Variants in VPS13C observed in about 807,000 individuals in gnomAD.
VPS13C encodes vacuolar protein sorting 13 homolog C, also known as intermembrane lipid transfer protein VPS13C.
Under a neutral mutation model 456.8 loss-of-function variants are expected in VPS13C, and 358 were observed. That is an observed-to-expected ratio of 0.78 (90% confidence interval 0.72 to 0.86). The LOEUF (loss-of-function observed/expected upper bound fraction) is 0.86, where lower values mean the gene tolerates loss of function less well. Among genes scored for constraint, VPS13C ranks in the 40% least tolerant of loss-of-function variants. The probability of loss-of-function intolerance (pLI) is 0.00; values close to 1 mark genes in which losing one functional copy is unlikely to be tolerated. For synonymous variants in VPS13C, 1,578 were observed against 1,486.7 expected (o/e 1.06, Z -1.41); for missense variants, 4,818 against 4,385.4 (o/e 1.10, Z -2.79).
Position 61,880,670 on chromosome 15 carries a change from G to C in VPS13C, c.9941C>G (p.Thr3314Ser). ...IDALNAELME[T>S]SMTDMSILSF... Reference sequence around the variant, plus strand: ...AAGAATTGACATATCAGTCATTGAAGTCTCCATTAATTCTGCATTTAGAGC... The same window carrying C: ...AAGAATTGACATATCAGTCATTGAACTCTCCATTAATTCTGCATTTAGAGC... The change falls in exon 73 of 85, where the codon ACT becomes AGT. Residue 3314 changes from threonine (T) to serine (S), a missense_variant. Coordinates refer to ENST00000644861, the MANE Select transcript of VPS13C (RefSeq NM_020821.3). 6.2e-7 allele frequency: 1 copy of C among 1,601,634 alleles called. No individual in the cohort carries two copies. The highest frequency in any genetic ancestry group is 2.2e-5 in the East Asian group (1 of 44,464).
intron 8 of VPS13C, among the ~76,000 whole-genome samples, chr15:62,023,142 G>A (rs1002287738): frequency 1.3e-5 from 2 of 151,596 alleles, no homozygotes; most frequent in Non-Finnish European, 3.0e-5. Context: ...GTCTTAACAC[G>A]TAAAATAAAA....
chr15:61,989,207 G>A (rs2140413993), intron 18 of VPS13C, among the ~76,000 whole-genome samples: 1 of 149,624 alleles, frequency 6.7e-6, no homozygotes, highest in African/African-American at 2.5e-5. Context: ...CCTGGGCAAT[G>A]TGGCAAAACC....
rs200818055 is a variant in VPS13C at position 61,931,257 on chromosome 15, T to C, written c.5871A>G (p.Glu1957=). The C allele has an allele frequency of 9.9e-6, 16 of 1,612,226 alleles. No individual in the cohort carries two copies. In the East Asian group the frequency reaches 3.3e-4, roughly 34 times the overall value. The change falls in exon 50 of 85, where the codon GAA becomes GAG. Residue 1957 remains glutamate, a splice_region_variant and synonymous_variant. Transcript: ENST00000644861. The part of the protein sequence containing the change: ...IILYNNDINQ[E]SGVAFHNDSF... ...TGTCATTATGAAATGCAACTCCAGA[T>C]TCCTATGGTACATTTTTCAAGCAAA...
intron 24 of VPS13C, among the ~76,000 whole-genome samples, chr15:61,975,702 G>A (rs991424476): frequency 6.6e-6 from 1 of 151,918 alleles, no homozygotes; most frequent in Non-Finnish European, 1.5e-5. Flanking sequence ...AGCATTTTAG[G>A]AAGAAATAAT....
chr15:61,993,544 T>A (rs924904706), intron 16 of VPS13C, among the ~76,000 whole-genome samples: 2 of 147,648 alleles, frequency 1.4e-5, no homozygotes, highest in Admixed American at 6.7e-5. Context: ...ATTATTAGCA[T>A]TAGCGTTGAA....
chr15:61,937,370 A>G (rs1290275706), intron 47 of VPS13C, among the ~76,000 whole-genome samples: 1 of 152,248 alleles, frequency 6.6e-6, no homozygotes, highest in Non-Finnish European at 1.5e-5. Context: ...ATGTGTGGCA[A>G]AAAGAAAAAG....
At chr15:61,856,692 T>TC (rs1566949991) in intron 82 of VPS13C, 1 of 177,842 alleles carries the variant, frequency 5.6e-6, no homozygotes, top group African/African-American at 2.5e-5. Flanking sequence ...CTTTTCTTTT[T>TC]TTTTTTTTTT....
At chr15:61,928,460 T>G (rs1238362464) in intron 51 of VPS13C, among the ~76,000 whole-genome samples, 1 of 152,180 alleles carries the variant, frequency 6.6e-6, no homozygotes, top group South Asian at 2.1e-4. Context: ...ATATCAGATA[T>G]GATCACTATT....
At chr15:62,018,607 TGA>T (rs1334266824) in intron 9 of VPS13C, among the ~76,000 whole-genome samples, 2 of 151,868 alleles carry the variant, frequency 1.3e-5, no homozygotes, top group Non-Finnish European at 2.9e-5. Flanking sequence ...TTGCGTATGT[TGA>T]ACCAGCCTTG....
chr15:62,016,526 G>GT (rs909151953), intron 9 of VPS13C, among the ~76,000 whole-genome samples: 62 of 150,252 alleles, frequency 4.1e-4, no homozygotes, highest in African/African-American at 1.4e-3. Flanking sequence ...GCAGTGTTTG[G>GT]TTTTTTGTCC....
chr15:61,865,625 C>T (rs1479352590), intron 81 of VPS13C: 1 of 460,416 alleles, frequency 2.2e-6, no homozygotes, highest in African/African-American at 2.2e-5. Flanking sequence ...TGTATGTGTA[C>T]ATATGGGTAT....
chr15:61,891,758 A>G (rs937331761), intron 66 of VPS13C, among the ~76,000 whole-genome samples: 1 of 152,242 alleles, frequency 6.6e-6, no homozygotes, highest in Non-Finnish European at 1.5e-5. Flanking sequence ...GTCAGAAATT[A>G]AAATCAACAG....
chr15:62,004,088 AG>A (rs1206684100), intron 15 of VPS13C, among the ~76,000 whole-genome samples: 1 of 151,944 alleles, frequency 6.6e-6, no homozygotes, highest in Non-Finnish European at 1.5e-5. Context: ...TAGTTTCAGA[AG>A]GAATGGTACC....
Position 62,013,133 on chromosome 15 carries a change from A to G in VPS13C, c.745-14T>C. 1.3e-6 allele frequency: 2 copies of G among 1,581,084 alleles called. No homozygotes were observed. Among genetic ancestry groups the G allele is most frequent in the Non-Finnish European group, 8.6e-7 (1 of 1,160,634 alleles). On this transcript the variant is annotated splice_polypyrimidine_tract_variant and intron_variant, in intron 10 of 84. Transcript: ENST00000644861. Reference sequence around the variant, plus strand: ...AAGTCGTATAAGCTATAAGAGAAAAATGAAAGAGATCAGGCAATCAACACA... The same window carrying G: ...AAGTCGTATAAGCTATAAGAGAAAAGTGAAAGAGATCAGGCAATCAACACA...
chr15:61,859,383 C>G (rs918660707), intron 82 of VPS13C, among the ~76,000 whole-genome samples: 34 of 152,052 alleles, frequency 2.2e-4, no homozygotes, highest in African/African-American at 8.2e-4. Flanking sequence ...AAATAGCAGA[C>G]TATACCTTAA....
At chr15:61,953,077 T>G (rs1228571730) in intron 38 of VPS13C, among the ~76,000 whole-genome samples, 1 of 151,934 alleles carries the variant, frequency 6.6e-6, no homozygotes, top group Non-Finnish European at 1.5e-5. Context: ...CTCTATAAAA[T>G]TATTTAATGA....
At chr15:62,045,381 C>A (rs577314761) in intron 1 of VPS13C, among the ~76,000 whole-genome samples, 2 of 152,102 alleles carry the variant, frequency 1.3e-5, no homozygotes, top group South Asian at 4.1e-4. Context: ...GGAGGAGTCA[C>A]CTAATTGCCT....
chr15:61,966,239 T>C (rs982498095), intron 29 of VPS13C, 97 bp from the exon 30 acceptor site: 56 of 771,318 alleles, frequency 7.3e-5, no homozygotes, highest in Non-Finnish European at 9.5e-5. Flanking sequence ...TAGTTATAAA[T>C]GTATTTTATA....
At chr15:61,914,193 C>A (rs1044268980) in intron 61 of VPS13C, among the ~76,000 whole-genome samples, 5 of 152,130 alleles carry the variant, frequency 3.3e-5, no homozygotes, top group South Asian at 2.1e-4. Context: ...CAAAGCATCA[C>A]CTGTTGGAAA....
Sources: allele counts gnomAD v4.1 joint callset (sites outside exome capture counted in the v4.1 genomes callset), GRCh38; gene constraint gnomAD v4.1.1; transcripts MANE v1.5; gene names NCBI Gene and HGNC (gene_info 2026-07-23, HGNC 2026-07-21).